LRRC4C: variants seen among roughly 807,000 people sequenced by gnomAD.
The protein encoded by LRRC4C is leucine rich repeat containing 4C.
A neutral mutation model predicts 33.6 loss-of-function variants in LRRC4C; 5 were observed. The observed-to-expected ratio is 0.15, with a 90% CI of 0.08 to 0.31. LRRC4C has a LOEUF of 0.31. Among genes scored for constraint, LRRC4C ranks in the 10% least tolerant of loss-of-function variants. The pLI, the probability that LRRC4C is intolerant of heterozygous loss-of-function variation, is 1.00. For missense variants in LRRC4C, 560 were observed against 796.7 expected, an observed-to-expected ratio of 0.70 and a Z score of 3.58; for synonymous variants, 329 against 302.0, an observed-to-expected ratio of 1.09 and a Z score of -0.93.
chr11:40,177,248 C>T (rs201221140), intron 5 of LRRC4C, among the ~76,000 whole-genome samples: 164 of 151,034 alleles, frequency 1.1e-3, no homozygotes, highest in African/African-American at 2.7e-3. Flanking sequence ...CCACCGTGCC[C>T]GGGCTGCCAG....
At chr11:41,092,676 T>C (rs1251446976) in intron 1 of LRRC4C, among the ~76,000 whole-genome samples, 1 of 152,210 alleles carries the variant, frequency 6.6e-6, no homozygotes, top group African/African-American at 2.4e-5. Context: ...CTCTGGCTCA[T>C]AACCAACTGT....
intron 2 of LRRC4C, among the ~76,000 whole-genome samples, chr11:40,666,855 G>A (rs1943836501): frequency 6.6e-6 from 1 of 152,144 alleles, no homozygotes; most frequent in Non-Finnish European, 1.5e-5. Context: ...CCAGTGGTCA[G>A]TTAAAATAAC....
intron 6 of LRRC4C, among the ~76,000 whole-genome samples, chr11:40,132,363 C>T (rs1373021277): frequency 6.6e-6 from 1 of 152,188 alleles, no homozygotes; most frequent in Non-Finnish European, 1.5e-5. Context: ...TAACAGCAAT[C>T]TTTGCCAAAC....
intron 3 of LRRC4C, among the ~76,000 whole-genome samples, chr11:40,338,272 T>A (rs1402189621): frequency 6.6e-6 from 1 of 152,196 alleles, no homozygotes; most frequent in Non-Finnish European, 1.5e-5. Context: ...AAAAAGGGTT[T>A]TGTAGTTAAG....
At chr11:41,103,693 G>A (rs1709098444) in intron 1 of LRRC4C, among the ~76,000 whole-genome samples, 2 of 152,070 alleles carry the variant, frequency 1.3e-5, no homozygotes, top group African/African-American at 4.8e-5. Flanking sequence ...TTAAAAGGAA[G>A]AGCAAAGTTG....
intron 2 of LRRC4C, among the ~76,000 whole-genome samples, chr11:40,783,703 A>G (rs1950305643): frequency 6.6e-6 from 1 of 152,186 alleles, no homozygotes; most frequent in African/African-American, 2.4e-5. Flanking sequence ...AATTTGTGTT[A>G]AAAATGCAGC....
chr11:40,247,850 C>T (rs987582455), intron 4 of LRRC4C, among the ~76,000 whole-genome samples: 4 of 152,152 alleles, frequency 2.6e-5, no homozygotes, highest in Non-Finnish European at 5.9e-5. Flanking sequence ...ATACTGACTG[C>T]ATATCTACAA....
Position 40,134,288 on chromosome 11 carries a change from G to A in LRRC4C, c.-43+6513C>T, listed in dbSNP as rs1267449360. 2.0e-5 allele frequency among the ~76,000 whole-genome samples: 3 copies of A among 152,070 alleles called. No individual in the cohort carries two copies. The East Asian group carries it at 5.8e-4, about 29-fold the overall frequency. ...TTTATTTGAAAACAGGCACAAGTTG[G>A]GTAGGGAATATATGAAAGTAAACAT... On this transcript the variant is annotated intron_variant, in intron 6 of 6. Transcript: ENST00000528697.
chr11:40,697,637 A>G (rs2136457165), intron 2 of LRRC4C, among the ~76,000 whole-genome samples: 1 of 152,322 alleles, frequency 6.6e-6, no homozygotes, highest in East Asian at 1.9e-4. Flanking sequence ...TAAATAATTT[A>G]GAGTTAGCTT....
chr11:41,305,214 T>C, intron 1 of LRRC4C, among the ~76,000 whole-genome samples: 1 of 44,014 alleles, frequency 2.3e-5, no homozygotes, highest in Non-Finnish European at 5.4e-5. Context: ...AGCCGCCCCG[T>C]CCGGGAGGGA....
At position 40,648,228 on chromosome 11, in the gene LRRC4C, T is replaced by A. The variant is rs1193260925; in HGVS notation, c.-356A>T. 1 of 152,214 alleles carries A rather than the reference T, an allele frequency of 6.6e-6. No individual in the cohort carries two copies. Among genetic ancestry groups the A allele is most frequent in the Non-Finnish European group, 1.5e-5 (1 of 68,034 alleles). 9.4% of individuals were successfully genotyped at this position (152,214 alleles called of 1,614,324 possible). A position where few individuals can be genotyped will look rare whatever the true frequency, so the allele number is the denominator to read the frequency against. ...TGGCGATTCCAAAGTAGTCTCAGGATGTTTCCATATTGTTAATCCGCATAA... is the reference window on the plus strand; with the variant it reads ...TGGCGATTCCAAAGTAGTCTCAGGAAGTTTCCATATTGTTAATCCGCATAA... On this transcript the variant is annotated 5_prime_UTR_variant, in exon 3 of 7. Transcript: ENST00000528697.
chr11:40,833,339 T>C (rs1297619180), intron 2 of LRRC4C, among the ~76,000 whole-genome samples: 1 of 152,154 alleles, frequency 6.6e-6, no homozygotes, highest in Admixed American at 6.6e-5. Flanking sequence ...GAGACATTGA[T>C]AAAATGTAAA....
At chr11:41,094,284 T>C (rs1940652155) in intron 1 of LRRC4C, among the ~76,000 whole-genome samples, 1 of 151,340 alleles carries the variant, frequency 6.6e-6, no homozygotes, top group African/African-American at 2.4e-5. Flanking sequence ...AAAGAGCACC[T>C]ACTGGCCAAG....
intron 2 of LRRC4C, among the ~76,000 whole-genome samples, chr11:40,801,753 A>AT (rs959916558): frequency 1.3e-5 from 2 of 151,560 alleles, no homozygotes; most frequent in Admixed American, 1.3e-4. Context: ...AGTACCAGAA[A>AT]TTTTTTTTTG....
At position 41,288,643 on chromosome 11, in the gene LRRC4C, C is replaced by A. The variant is rs1219791046; in HGVS notation, c.-496+170788G>T. On this transcript the variant is annotated intron_variant, in intron 1 of 6. Coordinates refer to ENST00000528697, the MANE Select transcript of LRRC4C (RefSeq NM_001258419.2). ...TTTTATCTTCAGTCCAGTGGCTGAA[C>A]AATACCCACTTATTATATCACAAAT... 3.3e-5 allele frequency among the ~76,000 whole-genome samples: 5 copies of A among 152,152 alleles called. No individual in the cohort carries two copies. In the East Asian group the frequency reaches 9.6e-4, roughly 29 times the overall value.
chr11:40,598,570 C>T (rs1433859168), intron 3 of LRRC4C, among the ~76,000 whole-genome samples: 1 of 152,162 alleles, frequency 6.6e-6, no homozygotes, highest in Non-Finnish European at 1.5e-5. Context: ...GGCCAACTAG[C>T]AGGTGCAATG....
intron 1 of LRRC4C, among the ~76,000 whole-genome samples, chr11:41,399,390 G>C (rs1484829460): frequency 6.6e-6 from 1 of 151,922 alleles, no homozygotes; most frequent in African/African-American, 2.4e-5. Context: ...CAAGTGTCGG[G>C]AGAACAACAT....
chr11:40,304,790 G>A (rs1944947414), intron 4 of LRRC4C, among the ~76,000 whole-genome samples: 1 of 150,814 alleles, frequency 6.6e-6, no homozygotes, highest in Non-Finnish European at 1.5e-5. Flanking sequence ...GGAGTGCAGT[G>A]GCGCAATCTC....
rs1864246631 is a variant in LRRC4C, at chr11:40,219,523, A to G, written c.-96+21996T>C. On this transcript the variant is annotated intron_variant, in intron 5 of 6. Coordinates refer to ENST00000528697, the MANE Select transcript of LRRC4C (RefSeq NM_001258419.2). ...CTATAAATACCTGTTAAATGAGTAA[A>G]TTGATTGAAACATAACCATTCATTA... Among the ~76,000 whole-genome samples, 3 of 152,308 alleles carry G rather than the reference A, an allele frequency of 2.0e-5. No individual in the cohort carries two copies. In the South Asian group the frequency reaches 6.2e-4, roughly 32 times the overall value.
Sources: gnomAD v4.1 joint callset for allele counts (sites outside exome capture counted in the v4.1 genomes callset) on GRCh38, gnomAD v4.1.1 for gene constraint, MANE v1.5 for transcripts, NCBI Gene and HGNC (gene_info 2026-07-23, HGNC 2026-07-21) for gene names.